Variants in PPARG observed in about 807,000 individuals in gnomAD.
PPARG encodes the protein peroxisome proliferator-activated receptor gamma.
In PPARG, 17 loss-of-function variants were observed where a neutral mutation model predicts 39.2. That is an observed-to-expected ratio of 0.43 (90% confidence interval 0.30 to 0.65). The LOEUF is 0.65. Ranked by LOEUF, PPARG falls within the 30% of genes least tolerant of loss-of-function variation. PPARG has a pLI of 0.13. For missense variants in PPARG, 406 were observed against 585.9 expected (o/e 0.69, Z 3.17); for synonymous variants, 223 against 215.7 (o/e 1.03, Z -0.30).
At chr3:12,341,096 T>A (rs2048169868) in intron 2 of PPARG, among the ~76,000 whole-genome samples, 1 of 151,676 alleles carries the variant, frequency 6.6e-6, no homozygotes, top group South Asian at 2.1e-4. Context: ...GGCAGAAGAA[T>A]CGCTTGAACC....
intron 1 of PPARG, among the ~76,000 whole-genome samples, chr3:12,296,862 A>G (rs1163641333): frequency 6.6e-6 from 1 of 152,094 alleles, no homozygotes; most frequent in Non-Finnish European, 1.5e-5. Flanking sequence ...GGATTTGTAA[A>G]CCTCAATTCC....
chr3:12,404,177 G>A (rs1324427163), intron 5 of PPARG, among the ~76,000 whole-genome samples: 3 of 152,068 alleles, frequency 2.0e-5, no homozygotes, highest in Non-Finnish European at 4.4e-5. Context: ...TATATGAAGA[G>A]GCCATGTACC....
At chr3:12,339,065 G>A (rs542680644) in intron 2 of PPARG, among the ~76,000 whole-genome samples, 2 of 152,204 alleles carry the variant, frequency 1.3e-5, no homozygotes, top group Admixed American at 6.5e-5. Context: ...GACAAAATGT[G>A]CTGTATCAAT....
chr3:12,317,649 TAA>T (rs1468609215), intron 2 of PPARG, among the ~76,000 whole-genome samples: 2 of 152,206 alleles, frequency 1.3e-5, no homozygotes, highest in Admixed American at 6.5e-5. Flanking sequence ...TATCTTTATG[TAA>T]ATATTTCACT....
chr3:12,384,187 C>A (rs2049787946), intron 4 of PPARG, among the ~76,000 whole-genome samples: 1 of 151,952 alleles, frequency 6.6e-6, no homozygotes, highest in African/African-American at 2.4e-5. Flanking sequence ...TAATATACTA[C>A]TTAATATAAA....
At chr3:12,425,915 G>T (rs945122513) in intron 7 of PPARG, among the ~76,000 whole-genome samples, 3 of 152,228 alleles carry the variant, frequency 2.0e-5, no homozygotes, top group Non-Finnish European at 2.9e-5. Context: ...ACCCAGAAAT[G>T]ACAGAGCCCA....
intron 1 of PPARG, among the ~76,000 whole-genome samples, chr3:12,310,789 T>C (rs1401860509): frequency 4.9e-5 from 3 of 61,788 alleles, no homozygotes; most frequent in Non-Finnish European, 8.6e-5. Flanking sequence ...TTGCCTTAAA[T>C]GTAAAAAAAA....
At chr3:12,404,506 TA>T (rs756344193) in intron 5 of PPARG, among the ~76,000 whole-genome samples, 3 of 152,108 alleles carry the variant, frequency 2.0e-5, no homozygotes, top group Non-Finnish European at 4.4e-5. Flanking sequence ...TAATAACATA[TA>T]AAATAACTAT....
intron 2 of PPARG, among the ~76,000 whole-genome samples, chr3:12,312,833 C>T (rs1015038459): frequency 1.3e-5 from 2 of 152,074 alleles, no homozygotes; most frequent in Non-Finnish European, 2.9e-5. Flanking sequence ...TCCCTATTGG[C>T]CATGCAGTCA....
chr3:12,319,393 T>A (rs1194775853), intron 2 of PPARG, among the ~76,000 whole-genome samples: 1 of 152,178 alleles, frequency 6.6e-6, no homozygotes, highest in Non-Finnish European at 1.5e-5. Context: ...TTTGTAGGAG[T>A]ATAAAAAATC....
intron 1 of PPARG, among the ~76,000 whole-genome samples, chr3:12,299,363 G>T (rs2046871249): frequency 6.6e-6 from 1 of 152,144 alleles, no homozygotes; most frequent in African/African-American, 2.4e-5. Context: ...GGCATTGCTA[G>T]GCACCGTGGA....
At chr3:12,344,190 CA>C (rs1054419078) in intron 2 of PPARG, among the ~76,000 whole-genome samples, 1 of 152,164 alleles carries the variant, frequency 6.6e-6, no homozygotes, top group Non-Finnish European at 1.5e-5. Flanking sequence ...AAAGTCTAGA[CA>C]AATTTTTATT....
chr3:12,342,362 C>T (rs566408989), intron 2 of PPARG, among the ~76,000 whole-genome samples: 45 of 152,160 alleles, frequency 3.0e-4, no homozygotes, highest in Non-Finnish European at 3.2e-4. Context: ...TTTAAAACAG[C>T]TTAGGAACAT....
intron 1 of PPARG, among the ~76,000 whole-genome samples, chr3:12,305,114 G>C (rs1161318913): frequency 6.6e-6 from 1 of 151,270 alleles, no homozygotes; most frequent in Non-Finnish European, 1.5e-5. Flanking sequence ...TTTCGTTCCT[G>C]GTGTTCCCTA....
chr3:12,352,577 T>G (rs2048522518), intron 2 of PPARG, among the ~76,000 whole-genome samples: 1 of 152,206 alleles, frequency 6.6e-6, no homozygotes, highest in South Asian at 2.1e-4. Context: ...TAAAAATAGA[T>G]TGTTAGCTAG....
At chr3:12,392,334 G>A (rs750847462) in intron 4 of PPARG, among the ~76,000 whole-genome samples, 14 of 152,148 alleles carry the variant, frequency 9.2e-5, no homozygotes, top group Non-Finnish European at 1.8e-4. Context: ...AGAGCATGCC[G>A]AAAACCAAAT....
At chr3:12,386,284 A>T (rs569188794) in intron 4 of PPARG, among the ~76,000 whole-genome samples, 3 of 122,318 alleles carry the variant, frequency 2.5e-5, no homozygotes, top group Non-Finnish European at 5.1e-5. Flanking sequence ...GAGTCACATA[A>T]CAAGAAAACA....
intron 7 of PPARG, among the ~76,000 whole-genome samples, chr3:12,424,067 T>C (rs2051354706): frequency 1.3e-5 from 2 of 152,230 alleles, no homozygotes; most frequent in African/African-American, 4.8e-5. Flanking sequence ...CTTTGAATAA[T>C]GACTCGCTTT....
intron 7 of PPARG, among the ~76,000 whole-genome samples, chr3:12,431,018 T>A (rs142024880): frequency 7.9e-5 from 12 of 152,212 alleles, no homozygotes; most frequent in Non-Finnish European, 1.3e-4. Context: ...GTAAAACTCA[T>A]ACCATGAAGG....
Sources: gnomAD v4.1 joint callset for allele counts (sites outside exome capture counted in the v4.1 genomes callset) on GRCh38, gnomAD v4.1.1 for gene constraint, MANE v1.5 for transcripts, NCBI Gene and HGNC (gene_info 2026-07-23, HGNC 2026-07-21) for gene names.